NUP160: variants seen among roughly 807,000 people sequenced by gnomAD.
NUP160 encodes the protein nucleoporin 160.
NUP160 carries 94 observed loss-of-function variants against 196.9 expected under a neutral mutation model. That is an observed-to-expected ratio of 0.48 (90% CI 0.40 to 0.57). NUP160 has a LOEUF of 0.57. Ranked by LOEUF, NUP160 falls within the 20% of genes least tolerant of loss-of-function variation. The probability of loss-of-function intolerance (pLI) is 0.00; values close to 1 mark genes in which losing one functional copy is unlikely to be tolerated. For synonymous variants in NUP160, 605 were observed against 619.7 expected, an observed-to-expected ratio of 0.98 and a Z score of 0.35; for missense variants, 1,638 against 1,748.3, an observed-to-expected ratio of 0.94 and a Z score of 1.13.
Position 47,806,254 on chromosome 11 carries a change from A to C in NUP160, c.2505T>G (p.Ile835Met), listed in dbSNP as rs138635597. 8.8e-5 allele frequency: 142 copies of C among 1,613,478 alleles called. No homozygotes were observed. The highest frequency in any genetic ancestry group is 1.6e-4 in the Middle Eastern group (1 of 6,084). The stretch of plus-strand genomic sequence containing the variant: ...TTGGCTGAGAGAAGAGGTGAGATAT[A>C]ATGTGTTTTCTTGCAACTTCTTGGA... Residue 835 changes from isoleucine to methionine, a missense_variant, in exon 20 of 36, where the codon ATT (isoleucine) becomes ATG (methionine). Physicochemically the swap from Ile to Met is conservative, Grantham distance 10 (BLOSUM62 1). Around this residue, in one of 3 missense-constraint regions of NUP160, gnomAD observed 1,345 missense variants for 1,470.2 expected, o/e 0.91. Transcript: ENST00000378460.
chr11:47,812,020 A>G, intron 17 of NUP160, 44 bp downstream of exon 17: 1 of 1,601,352 alleles, frequency 6.2e-7, no homozygotes. Flanking sequence ...GTAGGCCTAT[A>G]ACAGGTTTTA....
chr11:47,810,833 A>C (rs753972605), intron 17 of NUP160, among the ~76,000 whole-genome samples: 4 of 152,174 alleles, frequency 2.6e-5, no homozygotes, highest in Non-Finnish European at 5.9e-5. Context: ...GGTGTGAGCC[A>C]CTGTGCCCAG....
Position 47,815,962 on chromosome 11 carries a change from A to T in NUP160, c.1499T>A (p.Leu500Ter). The T allele has an allele frequency of 3.1e-6, 5 of 1,613,118 alleles. No individual in the cohort carries two copies. The highest frequency in any genetic ancestry group is 4.2e-6 in the Non-Finnish European group (5 of 1,179,192). ...AAGCCTCACCTCATTTTCAACAGCT[A>T]AAGTAACTTCTTTCTTCAGTTCACT... The change falls in exon 12 of 36, where the codon TTA becomes TAA. Residue 500 changes from leucine (L) to a stop codon, truncating the protein, a stop_gained. Coordinates refer to ENST00000378460, the Ensembl canonical transcript of NUP160. LOFTEE classifies it high-confidence loss of function.
rs202118673 is a variant in NUP160 at position 47,812,383 on chromosome 11, T to C, written c.1999A>G (p.Asn667Asp). 672 of 1,613,692 alleles carry C rather than the reference T, an allele frequency of 4.2e-4. No individual in the cohort carries two copies. Among genetic ancestry groups the C allele is most frequent in the Non-Finnish European group, 4.8e-4 (566 of 1,179,774 alleles). The change falls in exon 16 of 36, where the codon AAC (asparagine) becomes GAC (aspartate). Residue 667 changes from asparagine to aspartate, a missense_variant. Transcript: ENST00000378460. The stretch of plus-strand genomic sequence containing the variant: ...AGTAGTCCAATTGCATGGATTGGGT[T>C]CCTAATCTCTTGCAGTTTACTACAA...
chr11:47,812,892 T>C, exon 15 of NUP160: 1 of 1,612,006 alleles, frequency 6.2e-7, no homozygotes, highest in Admixed American at 1.7e-5. Flanking sequence ...ACATCAATAG[T>C]GATCATATCT....
intron 31 of NUP160, among the ~76,000 whole-genome samples, chr11:47,787,946 TCTC>T (rs1190844303): frequency 6.6e-6 from 1 of 151,986 alleles, no homozygotes; most frequent in Non-Finnish European, 1.5e-5. Context: ...ATGGTCTTGA[TCTC>T]CTGGCCTCGT....
At chr11:47,791,909 A>C (rs2097668110) in intron 29 of NUP160, 21 bp downstream of exon 29, 1 of 1,545,632 alleles carries the variant, frequency 6.5e-7, no homozygotes, top group Non-Finnish European at 8.9e-7. Flanking sequence ...GCAAAGAACC[A>C]GTGTGAGACT....
At chr11:47,848,062 A>T (rs1339105001) in intron 1 of NUP160, 103 bp from the exon 2 acceptor site, 1 of 1,265,646 alleles carries the variant, frequency 7.9e-7, no homozygotes, top group Non-Finnish European at 1.1e-6. Context: ...ACCCATACAA[A>T]GAAAAGAGGA....
chr11:47,805,872 GT>G (rs1396685155), intron 20 of NUP160, among the ~76,000 whole-genome samples: 1 of 151,908 alleles, frequency 6.6e-6, no homozygotes, highest in Non-Finnish European at 1.5e-5. Flanking sequence ...CTAGGCTGGA[GT>G]GTGGTGGCGC....
chr11:47,810,240 C>T (rs1299746152), intron 17 of NUP160, among the ~76,000 whole-genome samples: 2 of 151,814 alleles, frequency 1.3e-5, no homozygotes, highest in Non-Finnish European at 2.9e-5. Flanking sequence ...CTCTGTCATG[C>T]AGGCAGAAGT....
In NUP160 at chr11:47,808,264, G is replaced by A. The variant is rs1220559379; in HGVS notation, c.2375+132C>T. Reference sequence around the variant, plus strand: ...CCATTGCACTCCGGCCTGGGTGAGAGAGAGCGAGACTCTGTCTCAAAACAA... The same window carrying A: ...CCATTGCACTCCGGCCTGGGTGAGAAAGAGCGAGACTCTGTCTCAAAACAA... On this transcript the variant is annotated intron_variant, in intron 18 of 35. Transcript: ENST00000378460. The A allele has an allele frequency of 9.1e-6, 7 of 765,052 alleles. No homozygotes were observed. In the East Asian group the frequency reaches 1.7e-4, roughly 19 times the overall value. The allele number at this position is 765,052 out of a possible 1,614,324, so 47.4% of individuals were successfully genotyped here.
chr11:47,791,011 G>T (rs1265361753), intron 29 of NUP160, among the ~76,000 whole-genome samples: 1 of 152,084 alleles, frequency 6.6e-6, no homozygotes. Context: ...TCATGTTAGA[G>T]TCTATAGATA....
rs1851959411 is a variant in NUP160 at position 47,826,036 on chromosome 11, T to C, written c.1102-3872A>G. 2.0e-5 allele frequency among the ~76,000 whole-genome samples: 3 copies of C among 152,144 alleles called. No individual in the cohort carries two copies. The South Asian group carries it at 6.2e-4, about 31-fold the overall frequency. ...AGTGTATGAAATATGAAAAAAAATA[T>C]GTAGTGCTTATATCCATTGTAGCCT... On this transcript the variant is annotated intron_variant, in intron 7 of 35. Transcript: ENST00000378460.
At chr11:47,825,641 C>G (rs574399769) in intron 7 of NUP160, among the ~76,000 whole-genome samples, 2 of 152,122 alleles carry the variant, frequency 1.3e-5, no homozygotes, top group South Asian at 2.1e-4. Flanking sequence ...TTAGTAGAGA[C>G]AGGGTTTCAC....
At position 47,812,210 on chromosome 11, in the gene NUP160, T is replaced by C. The variant is rs202237054; in HGVS notation, c.2095A>G (p.Ile699Val). The C allele has an allele frequency of 1.6e-5, 26 of 1,614,178 alleles. No homozygotes were observed. In the African/African-American group the frequency reaches 2.5e-4, roughly 16 times the overall value. ...TAGAGCTGGGTAAGATTCATTCGAA[T>C]ATTCAAAGGCTGAGCTGTAAAAAGA... Residue 699 changes from isoleucine to valine, a missense_variant, in exon 17 of 36, where the codon ATT becomes GTT. This residue lies in a region of NUP160 where 1,345 missense variants were observed against 1,470.2 expected (regional missense o/e 0.91). Transcript: ENST00000378460.
chr11:47,824,513 G>A (rs1350214198), intron 7 of NUP160, among the ~76,000 whole-genome samples: 1 of 151,956 alleles, frequency 6.6e-6, no homozygotes, highest in African/African-American at 2.4e-5. Context: ...GAGAGGCTGA[G>A]GTAGGAGAAT....
At chr11:47,780,539 CCTTT>C in intron 34 of NUP160, 92 bp from the exon 35 acceptor site, 3 of 636,270 alleles carry the variant, frequency 4.7e-6, no homozygotes, top group East Asian at 3.3e-5. Flanking sequence ...AATAAAATAC[CCTTT>C]TTTTTTTTTT....
At chr11:47,811,410 G>A (rs1442687482) in intron 17 of NUP160, among the ~76,000 whole-genome samples, 1 of 151,526 alleles carries the variant, frequency 6.6e-6, no homozygotes, top group Non-Finnish European at 1.5e-5. Context: ...TCAGGAGGCT[G>A]AGGCAGGAGA....
At chr11:47,833,858 T>C (rs1852120961) in intron 7 of NUP160, among the ~76,000 whole-genome samples, 1 of 152,236 alleles carries the variant, frequency 6.6e-6, no homozygotes, top group Non-Finnish European at 1.5e-5. Flanking sequence ...GCTGGAAGAA[T>C]TAAGCATGTC....
Sources: allele counts gnomAD v4.1 joint callset (sites outside exome capture counted in the v4.1 genomes callset), GRCh38; gene constraint gnomAD v4.1.1; regional missense constraint gnomAD v4.1.1; transcripts MANE v1.5; gene names NCBI Gene and HGNC (gene_info 2026-07-23, HGNC 2026-07-21).